The following SACS variants were observed in gnomAD, a reference collection of about 807,000 sequenced individuals.
The protein encoded by SACS is sacsin.
In SACS, 197 loss-of-function variants were observed where a neutral mutation model predicts 348.0. That is an observed-to-expected ratio of 0.57 (90% CI 0.50 to 0.64). The LOEUF (loss-of-function observed/expected upper bound fraction) is 0.64, where lower values mean the gene tolerates loss of function less well. SACS is among the 30% of genes least tolerant of loss of function. SACS has a pLI of 0.00. For synonymous variants in SACS, 1,985 were observed against 1,910.6 expected (o/e 1.04, Z -1.02); for missense variants, 4,999 against 5,360.8 (o/e 0.93, Z 2.11).
At chr13:23,365,374 T>A in intron 5 of SACS, 97 bp from the exon 6 acceptor site, 1 of 733,660 alleles carries the variant, frequency 1.4e-6, no homozygotes, top group Non-Finnish European at 2.2e-6. Flanking sequence ...TTAATATACT[T>A]AAATAAAGGA....
Position 23,332,995 on chromosome 13 carries a change from G to A in SACS, c.10881C>T (p.Ile3627=), listed in dbSNP as rs576435320. ...GTTCTTGGAATATATGATGCAGAAG[G>A]ATATCAACTGTATTTTGCAATGTTT... ...SKETLQNTVD[I]LLHHIFQERM... is the part of the protein sequence containing the mutation. Residue 3627 remains isoleucine (I), a synonymous_variant, in exon 10 of 10, where the codon ATC becomes ATT. Coordinates refer to ENST00000382292, the MANE Select transcript of SACS (RefSeq NM_014363.6). The A allele has an allele frequency of 5.0e-6, 8 of 1,613,876 alleles. No individual in the cohort carries two copies. The highest frequency in any genetic ancestry group is 4.5e-5 in the East Asian group (2 of 44,878).
At chr13:23,373,305 A>G (rs900512981) in intron 3 of SACS, 4 of 152,284 alleles carry the variant, frequency 2.6e-5, no homozygotes, top group Non-Finnish European at 5.9e-5. Flanking sequence ...ATTCCTTCCA[A>G]AGAAGCTAAG....
intron 2 of SACS, among the ~76,000 whole-genome samples, chr13:23,376,361 C>T (rs185498541): frequency 2.8e-4 from 43 of 151,664 alleles, no homozygotes; most frequent in African/African-American, 1.0e-3. Flanking sequence ...TGGCTTATTT[C>T]TCTTAGGTAT....
intron 9 of SACS, chr13:23,346,869 G>A (rs1869641046): frequency 2.1e-6 from 2 of 946,510 alleles, no homozygotes; most frequent in Non-Finnish European, 2.5e-6. Flanking sequence ...TCTTAGAAGA[G>A]GTCAGAATTG....
In SACS at chr13:23,335,054, A is replaced by G. The variant is rs530269705; in HGVS notation, c.8822T>C (p.Leu2941Ser). The change falls in exon 10 of 10, where the codon TTA becomes TCA. Residue 2941 changes from leucine to serine, a missense_variant. Coordinates refer to ENST00000382292, the MANE Select transcript of SACS (RefSeq NM_014363.6). The surrounding 1 kb of genome is among the most constrained non-coding windows in gnomAD (Gnocchi z 4.7). ...KRYFPGSDPT[L>S]SVLQNTPIHV... ...AATAGGGGTGTTCTGTAACACTGAT[A>G]ATGTTGGATCAGAACCAGGGAAATA... The G allele has an allele frequency of 2.5e-6, 4 of 1,613,264 alleles. No homozygotes were observed. The highest frequency in any genetic ancestry group is 1.1e-5 in the South Asian group (1 of 91,000).
chr13:23,387,268 G>C lies in SACS; in HGVS notation c.21-11999C>G, dbSNP rs540900400. On this transcript the variant is annotated intron_variant, in intron 2 of 9. Coordinates refer to ENST00000382292, the MANE Select transcript of SACS (RefSeq NM_014363.6). ...AGGTCAGGAGATCAAGACCATCCTG[G>C]CTAACACAGTGAAACCCAGTCTCTA... Among the ~76,000 whole-genome samples the C allele has an allele frequency of 4.6e-5, 7 of 152,070 alleles. No individual in the cohort carries two copies. The South Asian group carries it at 1.5e-3, about 32-fold the overall frequency.
At chr13:23,397,503 A>T (rs553234915) in intron 2 of SACS, among the ~76,000 whole-genome samples, 1 of 152,310 alleles carries the variant, frequency 6.6e-6, no homozygotes, top group African/African-American at 2.4e-5. Flanking sequence ...TTCTTGGATT[A>T]TTGATCTGCT....
intron 9 of SACS, among the ~76,000 whole-genome samples, chr13:23,350,838 A>G (rs947031542): frequency 3.3e-5 from 5 of 152,148 alleles, no homozygotes; most frequent in Non-Finnish European, 7.3e-5. Context: ...AAGCAAGATG[A>G]CTTACATGAT....
intron 2 of SACS, among the ~76,000 whole-genome samples, chr13:23,406,169 G>A (rs1043514349): frequency 6.6e-6 from 1 of 152,190 alleles, no homozygotes; most frequent in Non-Finnish European, 1.5e-5. Flanking sequence ...AGGAAATATG[G>A]CACATACACA....
intron 1 of SACS, chr13:23,427,965 G>T (rs1372297360): frequency 2.7e-4 from 41 of 152,210 alleles, no homozygotes; most frequent in Admixed American, 2.7e-3. Context: ...GACTAGTAAA[G>T]CCCCTCTTCC....
intron 9 of SACS, among the ~76,000 whole-genome samples, chr13:23,349,211 T>G (rs1220893540): frequency 6.6e-6 from 1 of 152,146 alleles, no homozygotes; most frequent in Non-Finnish European, 1.5e-5. Context: ...TTAGAGGACC[T>G]GTAATAGGCA....
Position 23,334,464 on chromosome 13 carries a change from A to G in SACS, c.9412T>C (p.Tyr3138His), listed in dbSNP as rs1208382588. The G allele has an allele frequency of 3.7e-6, 6 of 1,612,580 alleles. No homozygotes were observed. Among genetic ancestry groups the G allele is most frequent in the Non-Finnish European group, 5.1e-6 (6 of 1,179,740 alleles). Residue 3138 changes from tyrosine (Y) to histidine (H), a missense_variant, in exon 10 of 10, where the codon TAT (tyrosine) becomes CAT (histidine). This residue lies in a region of SACS where 734 missense variants were observed against 694.0 expected (regional missense o/e 1.06). Transcript: ENST00000382292. ...TTTTCTTCTGCATCTTTAAAACAAT[A>G]ATCAACTAAAAGTTTTAAACTATGA... ...LFHSLKLLVD[Y>H]CFKDAEENEI...
At chr13:23,378,775 G>A (rs1296828886) in intron 2 of SACS, among the ~76,000 whole-genome samples, 1 of 152,176 alleles carries the variant, frequency 6.6e-6, no homozygotes, top group African/African-American at 2.4e-5. Context: ...TGGAAAGAGA[G>A]TGAGCTGGCT....
intron 2 of SACS, among the ~76,000 whole-genome samples, chr13:23,378,514 C>T (rs1250797208): frequency 4.6e-5 from 7 of 152,030 alleles, no homozygotes; most frequent in Admixed American, 3.9e-4. Context: ...CTCGCTCTGT[C>T]GCCCAGGCCT....
intron 6 of SACS, among the ~76,000 whole-genome samples, chr13:23,364,928 CT>C (rs1342251941): frequency 6.6e-6 from 1 of 152,288 alleles, no homozygotes; most frequent in East Asian, 1.9e-4. Context: ...GAATAAGAGG[CT>C]TTGGTCATTA....
At chr13:23,380,841 G>A (rs562874406) in intron 2 of SACS, among the ~76,000 whole-genome samples, 9 of 152,266 alleles carry the variant, frequency 5.9e-5, no homozygotes, top group South Asian at 4.2e-4. Flanking sequence ...AAGATGACCC[G>A]AGGGGACATG....
At chr13:23,389,990 T>C (rs1378885863) in intron 2 of SACS, among the ~76,000 whole-genome samples, 1 of 151,940 alleles carries the variant, frequency 6.6e-6, no homozygotes, top group Non-Finnish European at 1.5e-5. Flanking sequence ...CCTACAATTA[T>C]GGAGTTTTAT....
intron 3 of SACS, among the ~76,000 whole-genome samples, chr13:23,374,840 G>A (rs1027888176): frequency 1.3e-5 from 2 of 151,288 alleles, no homozygotes; most frequent in African/African-American, 4.8e-5. Flanking sequence ...CATTGATGAT[G>A]TCTAAAAAAA....
rs2137584369 is a variant in SACS at position 23,334,495 on chromosome 13, T to C, written c.9381A>G (p.Lys3127=). ...LPCRLQQTNL[K]LFHSLKLLVD... is the part of the protein sequence containing the mutation. Reference sequence around the variant, plus strand: ...CTAAAAGTTTTAAACTATGAAAAAGTTTTAGATTAGTCTGCTGCAGACGAC... The same window carrying C: ...CTAAAAGTTTTAAACTATGAAAAAGCTTTAGATTAGTCTGCTGCAGACGAC... The change falls in exon 10 of 10, where the codon AAA becomes AAG. Residue 3127 remains lysine (K), a synonymous_variant. Coordinates refer to ENST00000382292, the MANE Select transcript of SACS (RefSeq NM_014363.6). 6.2e-6 allele frequency: 10 copies of C among 1,613,134 alleles called. No individual in the cohort carries two copies. The highest frequency in any genetic ancestry group is 1.3e-5 in the African/African-American group (1 of 74,990).
Sources: allele counts gnomAD v4.1 joint callset (sites outside exome capture counted in the v4.1 genomes callset), GRCh38; gene constraint gnomAD v4.1.1; regional missense constraint gnomAD v4.1.1; non-coding constraint Gnocchi (gnomAD v3.1); transcripts MANE v1.5; gene names NCBI Gene and HGNC (gene_info 2026-07-23, HGNC 2026-07-21).